MERTK: variants seen among roughly 807,000 people sequenced by gnomAD.
MERTK encodes MER proto-oncogene, tyrosine kinase, also known as tyrosine-protein kinase Mer.
A neutral mutation model predicts 99.3 loss-of-function variants in MERTK; 69 were observed. The ratio of observed to expected loss-of-function variants is 0.70; its 90% CI spans 0.57 to 0.85. The LOEUF (loss-of-function observed/expected upper bound fraction) is 0.85, where lower values mean the gene tolerates loss of function less well. Among genes scored for constraint, MERTK ranks in the 40% least tolerant of loss-of-function variants. The pLI is 0.00. For missense variants in MERTK, 1,125 were observed against 1,249.4 expected, an observed-to-expected ratio of 0.90 and a Z score of 1.50; for synonymous variants, 426 against 467.6, an observed-to-expected ratio of 0.91 and a Z score of 1.15.
At chr2:111,953,568 A>G (rs1300389997) in intron 4 of MERTK, among the ~76,000 whole-genome samples, 1 of 148,416 alleles carries the variant, frequency 6.7e-6, no homozygotes, top group East Asian at 2.0e-4. Context: ...AGATCTGTAC[A>G]TTGTTCTCTC....
At chr2:111,899,955 G>A (rs548003581) in intron 1 of MERTK, among the ~76,000 whole-genome samples, 27 of 152,078 alleles carry the variant, frequency 1.8e-4, no homozygotes, top group African/African-American at 6.3e-4. Context: ...TTCTTGAGGA[G>A]GCTGGAATAA....
intron 14 of MERTK, 80 bp downstream of exon 14, chr2:112,008,555 GTAGATAAGTT>G: frequency 9.4e-7 from 1 of 1,067,248 alleles, no homozygotes; most frequent in Non-Finnish European, 1.5e-6. Flanking sequence ...AATCTCTGGT[GTAGATAAGTT>G]TACACTTCGT....
At chr2:111,917,105 G>C (rs1684365350) in intron 1 of MERTK, among the ~76,000 whole-genome samples, 1 of 152,196 alleles carries the variant, frequency 6.6e-6, no homozygotes, top group Non-Finnish European at 1.5e-5. Context: ...CTGGTTGGCA[G>C]TGAAAGCCCT....
At chr2:111,957,032 A>C (rs917194137) in intron 4 of MERTK, among the ~76,000 whole-genome samples, 9 of 148,424 alleles carry the variant, frequency 6.1e-5, no homozygotes, top group African/African-American at 2.3e-4. Flanking sequence ...GGTTCACGCC[A>C]TTGTCCTGCC....
chr2:111,911,689 C>CTTTTTTT lies in MERTK; in HGVS notation c.61+12914_61+12920dup, dbSNP rs34867670. ...ACAGGCATGAGCCATAGCGCCCAGC[C>CTTTTTTT]TTTTTTTTTTTTTTTTTTTTTTTTT... On this transcript the variant is annotated intron_variant, in intron 1 of 18. Coordinates refer to ENST00000295408, the MANE Select transcript of MERTK (RefSeq NM_006343.3). Among the ~76,000 whole-genome samples the CTTTTTTT allele has an allele frequency of 5.2e-5, 3 of 57,730 alleles. 1 individual carries two copies. Among genetic ancestry groups the CTTTTTTT allele is most frequent in the South Asian group, 1.5e-3 (2 of 1,354 alleles). The allele number at this position is 57,730 out of a possible 152,430, so 37.9% of individuals were successfully genotyped here.
chr2:111,947,145 C>T (rs185201792), intron 3 of MERTK, among the ~76,000 whole-genome samples: 11 of 152,054 alleles, frequency 7.2e-5, no homozygotes, highest in South Asian at 6.2e-4. Flanking sequence ...TGGTGGTGTG[C>T]GCCTGTAATC....
At chr2:111,989,354 T>G (rs1465717824) in intron 8 of MERTK, among the ~76,000 whole-genome samples, 1 of 142,964 alleles carries the variant, frequency 7.0e-6, no homozygotes, top group Non-Finnish European at 1.5e-5. Flanking sequence ...TATAGGGTTG[T>G]GAATTCTTTT....
At chr2:111,921,229 C>T (rs1684452103) in intron 1 of MERTK, among the ~76,000 whole-genome samples, 1 of 151,976 alleles carries the variant, frequency 6.6e-6, no homozygotes, top group South Asian at 2.1e-4. Flanking sequence ...TTACAGGATT[C>T]CAGATGCAAA....
intron 10 of MERTK, 30 bp downstream of exon 10, chr2:111,997,506 A>G: frequency 6.2e-6 from 10 of 1,609,426 alleles, no homozygotes; most frequent in Non-Finnish European, 8.5e-6. Context: ...ATGTTTGCCC[A>G]CTGGTATTGA....
chr2:111,928,307 C>A (rs981404680), intron 1 of MERTK, among the ~76,000 whole-genome samples: 1 of 143,234 alleles, frequency 7.0e-6, no homozygotes, highest in African/African-American at 2.6e-5. Context: ...CTCACCACAG[C>A]CTTGATCTCC....
intron 7 of MERTK, among the ~76,000 whole-genome samples, chr2:111,981,446 A>C (rs1321166336): frequency 6.6e-6 from 1 of 151,972 alleles, no homozygotes; most frequent in Non-Finnish European, 1.5e-5. Context: ...ACAGAGTCTC[A>C]CTCTGTTGCC....
chr2:111,904,345 T>G (rs532862032), intron 1 of MERTK, among the ~76,000 whole-genome samples: 2 of 152,172 alleles, frequency 1.3e-5, no homozygotes, highest in East Asian at 3.9e-4. Flanking sequence ...TTTGTTTTGT[T>G]TTAGGGTTTT....
At chr2:111,934,755 C>G (rs1380062170) in intron 2 of MERTK, among the ~76,000 whole-genome samples, 2 of 152,106 alleles carry the variant, frequency 1.3e-5, no homozygotes, top group African/African-American at 2.4e-5. Context: ...GCTTTTGTTG[C>G]CATTGCGTTT....
intron 18 of MERTK, among the ~76,000 whole-genome samples, chr2:112,023,820 C>T (rs560326487): frequency 8.2e-4 from 125 of 152,112 alleles, no homozygotes; most frequent in African/African-American, 2.7e-3. Flanking sequence ...TGTGGGCCTG[C>T]GCTGGCTCTG....
At chr2:111,908,679 A>G (rs550122015) in intron 1 of MERTK, among the ~76,000 whole-genome samples, 2 of 152,302 alleles carry the variant, frequency 1.3e-5, no homozygotes, top group African/African-American at 4.8e-5. Flanking sequence ...CTCATACAAC[A>G]AGCAGTCTGA....
intron 7 of MERTK, among the ~76,000 whole-genome samples, chr2:111,976,522 C>CTGTGTGTGTGTGTGTGTGTGTG (rs70962971): frequency 1.5e-5 from 2 of 136,710 alleles, no homozygotes; most frequent in African/African-American, 5.6e-5. Context: ...TGACAAAAAC[C>CTGTGTGTGTGTGTGTGTGTGTG]TGTGTGTGTG....
rs769649370 is a variant in MERTK at position 111,982,923 on chromosome 2, C to T, written c.1226C>T (p.Pro409Leu). The change falls in exon 8 of 19, where the codon CCG becomes CTG. Residue 409 changes from proline to leucine, a missense_variant. Coordinates refer to ENST00000295408, the MANE Select transcript of MERTK (RefSeq NM_006343.3). ...GTGGACATCAGATGGATGAAGCCTC[C>T]GACTAAGCAGCAGGATGGAGAACTG... ...DNVDIRWMKP[P>L]TKQQDGELVG... 19 of 1,613,970 alleles carry T rather than the reference C, an allele frequency of 1.2e-5. No individual in the cohort carries two copies. Among genetic ancestry groups the T allele is most frequent in the African/African-American group, 8.0e-5 (6 of 74,894 alleles).
At chr2:112,020,768 G>C (rs1360043800) in intron 16 of MERTK, 1 of 437,302 alleles carries the variant, frequency 2.3e-6, no homozygotes, top group Admixed American at 2.8e-5. Context: ...TCCACCAGAG[G>C]GCTCTGGTTT....
In MERTK at chr2:111,996,060, G is replaced by A. The variant is rs888869097; in HGVS notation, c.1451-1263G>A. Reference sequence around the variant, plus strand: ...CGCAGTGGCTCATGCCTATAATCCCGGCACTTTCGGAGGCCGAGGCAGTTG... The same window carrying A: ...CGCAGTGGCTCATGCCTATAATCCCAGCACTTTCGGAGGCCGAGGCAGTTG... On this transcript the variant is annotated intron_variant, in intron 9 of 18. Transcript: ENST00000295408. 3.9e-5 allele frequency: 6 copies of A among 154,244 alleles called. No homozygotes were observed. The Middle Eastern group carries it at 1.6e-3, about 41-fold the overall frequency. 9.6% of individuals were successfully genotyped at this position (154,244 alleles called of 1,614,324 possible). A position where few individuals can be genotyped will look rare whatever the true frequency, so the allele number is the denominator to read the frequency against.
Sources: allele counts gnomAD v4.1 joint callset (sites outside exome capture counted in the v4.1 genomes callset), GRCh38; gene constraint gnomAD v4.1.1; transcripts MANE v1.5; gene names NCBI Gene and HGNC (gene_info 2026-07-23, HGNC 2026-07-21).